MEGF9: variants seen among roughly 807,000 people sequenced by gnomAD.
MEGF9 encodes the protein multiple epidermal growth factor-like domains protein 9.
A neutral mutation model predicts 46.8 loss-of-function variants in MEGF9; 6 were observed. The ratio of observed to expected loss-of-function variants is 0.13; its 90% CI spans 0.07 to 0.25. The LOEUF is 0.25. Ranked by LOEUF, MEGF9 falls within the 10% of genes least tolerant of loss-of-function variation. MEGF9 has a pLI of 1.00. For synonymous variants in MEGF9, 302 were observed against 330.7 expected, an observed-to-expected ratio of 0.91 and a Z score of 0.94; for missense variants, 683 against 792.4, an observed-to-expected ratio of 0.86 and a Z score of 1.66.
chr9:120,677,678 C>G (rs946116186), intron 1 of MEGF9, among the ~76,000 whole-genome samples: 5 of 152,144 alleles, frequency 3.3e-5, no homozygotes, highest in Non-Finnish European at 7.4e-5. Context: ...ATACAAGTAT[C>G]TCTCTAAAAG....
intron 1 of MEGF9, among the ~76,000 whole-genome samples, chr9:120,673,249 T>A (rs921553262): frequency 2.0e-5 from 3 of 151,972 alleles, no homozygotes; most frequent in African/African-American, 7.2e-5. Flanking sequence ...ATGGAAGACA[T>A]AATGCAAACA....
At chr9:120,617,221 AAAAT>A (rs1159032326) in intron 3 of MEGF9, among the ~76,000 whole-genome samples, 5 of 152,192 alleles carry the variant, frequency 3.3e-5, no homozygotes, top group African/African-American at 1.2e-4. Flanking sequence ...GATAACCAAG[AAAAT>A]AAATAGTCAA....
intron 5 of MEGF9, 95 bp downstream of exon 5, chr9:120,607,646 A>G (rs1183275145): frequency 7.6e-6 from 10 of 1,308,006 alleles, no homozygotes; most frequent in Non-Finnish European, 1.1e-5. Context: ...ATTTCCAGAA[A>G]CTCCTCTGGT....
chr9:120,709,332 G>C (rs2043942421), intron 1 of MEGF9, among the ~76,000 whole-genome samples: 1 of 151,820 alleles, frequency 6.6e-6, no homozygotes, highest in South Asian at 2.1e-4. Flanking sequence ...AGAATTGCCT[G>C]AAACCACGAG....
chr9:120,616,604 G>A (rs907774698), intron 3 of MEGF9, among the ~76,000 whole-genome samples: 7 of 150,490 alleles, frequency 4.7e-5, no homozygotes, highest in South Asian at 4.2e-4. Context: ...GCGTGAATCC[G>A]GGAGGCGGAG....
At position 120,687,849 on chromosome 9, in the gene MEGF9, C is replaced by T. The variant is rs569611520; in HGVS notation, c.601+25909G>A. Among the ~76,000 whole-genome samples, 16 of 148,920 alleles carry T rather than the reference C, an allele frequency of 1.1e-4. 1 individual carries two copies. In the South Asian group the frequency reaches 2.3e-3, roughly 22 times the overall value. ...TAATATTTTATCTCAAAAATGAAAA[C>T]AATCCAAAGCAAATACAGGAGAAAA... On this transcript the variant is annotated intron_variant, in intron 1 of 5. Coordinates refer to ENST00000373930, the MANE Select transcript of MEGF9 (RefSeq NM_001080497.3).
At chr9:120,672,404 G>C (rs1439226628) in intron 1 of MEGF9, among the ~76,000 whole-genome samples, 1 of 151,312 alleles carries the variant, frequency 6.6e-6, no homozygotes, top group East Asian at 1.9e-4. Context: ...ACCAGCCTAG[G>C]CAACATAGTG....
At chr9:120,626,537 TATCATCTCAAGATATGGTAC>T (rs1347710063) in intron 2 of MEGF9, among the ~76,000 whole-genome samples, 16 of 152,238 alleles carry the variant, frequency 1.1e-4, no homozygotes, top group African/African-American at 3.9e-4. Context: ...TTCACTGGTG[TATCATCTCAAGATATGGTAC>T]ATATCTATGT....
chr9:120,605,417 G>A lies in MEGF9; in HGVS notation c.1582C>T (p.Leu528=). Residue 528 remains leucine, a synonymous_variant, in exon 6 of 6, where the codon CTA becomes TTA. Transcript: ENST00000373930. This position sits in a 1 kb window ranked among gnomAD's most constrained non-coding sequence, Gnocchi z 4.0. The part of the protein sequence containing the change: ...LTVIIIVVVL[L]MGFVGAVYMY... ...TATACAGCCCCCACAAATCCCATTA[G>A]CAGCACCACAACAATGATGATGACT... is the stretch of plus-strand genomic sequence containing the variant. The A allele has an allele frequency of 6.2e-7, 1 of 1,614,054 alleles. No individual in the cohort carries two copies. Among genetic ancestry groups the A allele is most frequent in the Non-Finnish European group, 8.5e-7 (1 of 1,179,908 alleles).
chr9:120,666,045 G>T (rs1482428866), intron 1 of MEGF9, among the ~76,000 whole-genome samples: 2 of 152,014 alleles, frequency 1.3e-5, no homozygotes, highest in African/African-American at 4.8e-5. Context: ...CTCCAGCTTT[G>T]TTCTTTTTGT....
At chr9:120,637,854 T>C (rs1461732220) in intron 2 of MEGF9, among the ~76,000 whole-genome samples, 2 of 143,518 alleles carry the variant, frequency 1.4e-5, no homozygotes, top group Non-Finnish European at 3.0e-5. Flanking sequence ...ACTTCATAAG[T>C]CATTTTGAAA....
intron 3 of MEGF9, among the ~76,000 whole-genome samples, chr9:120,613,579 A>G (rs2043458469): frequency 6.6e-6 from 1 of 152,136 alleles, no homozygotes; most frequent in African/African-American, 2.4e-5. Flanking sequence ...AAAACAATTA[A>G]TAAAGAAAAG....
intron 3 of MEGF9, among the ~76,000 whole-genome samples, chr9:120,617,695 T>G (rs374659979): frequency 6.6e-6 from 1 of 152,010 alleles, no homozygotes; most frequent in East Asian, 1.9e-4. Context: ...TGTGGTGGGG[T>G]GGGGATCAGA....
intron 1 of MEGF9, among the ~76,000 whole-genome samples, chr9:120,686,129 G>A (rs542502606): frequency 7.5e-5 from 11 of 145,798 alleles, no homozygotes; most frequent in South Asian, 2.1e-4. Flanking sequence ...TTGCTCTGTC[G>A]CCTAGGCTGG....
At chr9:120,689,940 T>G (rs370633958) in intron 1 of MEGF9, 22 of 532,226 alleles carry the variant, frequency 4.1e-5, no homozygotes, top group Middle Eastern at 3.2e-4. Flanking sequence ...TTTAACAGCT[T>G]CTGAGACTCT....
intron 2 of MEGF9, among the ~76,000 whole-genome samples, chr9:120,653,170 C>G (rs756472313): frequency 5.9e-4 from 90 of 152,182 alleles, no homozygotes; most frequent in Non-Finnish European, 1.1e-3. Flanking sequence ...AGTACACAGT[C>G]CTGCAACTTT....
At chr9:120,680,639 G>C (rs1587993691) in intron 1 of MEGF9, among the ~76,000 whole-genome samples, 1 of 152,220 alleles carries the variant, frequency 6.6e-6, no homozygotes, top group East Asian at 1.9e-4. Flanking sequence ...AGCTCCCCTA[G>C]ACCCTGGATG....
chr9:120,707,626 A>T (rs1485357598), intron 1 of MEGF9, among the ~76,000 whole-genome samples: 3 of 152,240 alleles, frequency 2.0e-5, no homozygotes, highest in African/African-American at 7.2e-5. Context: ...AATAAATGGC[A>T]TCTTCTTAAA....
intron 2 of MEGF9, among the ~76,000 whole-genome samples, chr9:120,623,829 T>C (rs1342746159): frequency 6.6e-6 from 1 of 152,206 alleles, no homozygotes; most frequent in Non-Finnish European, 1.5e-5. Context: ...AATGTACCTT[T>C]CAAAGAATGG....
Sources: allele counts gnomAD v4.1 joint callset (sites outside exome capture counted in the v4.1 genomes callset), GRCh38; gene constraint gnomAD v4.1.1; non-coding constraint Gnocchi (gnomAD v3.1); transcripts MANE v1.5; gene names NCBI Gene and HGNC (gene_info 2026-07-23, HGNC 2026-07-21).